Variants in COLEC12 observed in about 807,000 individuals in gnomAD.
COLEC12 encodes the protein collectin-12.
A neutral mutation model predicts 71.1 loss-of-function variants in COLEC12; 33 were observed. The ratio of observed to expected loss-of-function variants is 0.46; its 90% CI spans 0.35 to 0.62. The LOEUF (loss-of-function observed/expected upper bound fraction) is 0.62, where lower values mean the gene tolerates loss of function less well. Ranked by LOEUF, COLEC12 falls within the 20% of genes least tolerant of loss-of-function variation. COLEC12 has a pLI of 0.00. For missense variants in COLEC12, 765 were observed against 916.1 expected (o/e 0.84, Z 2.13); for synonymous variants, 350 against 353.0 (o/e 0.99, Z 0.10).
At chr18:342,072 C>A (rs1268685401) in intron 5 of COLEC12, among the ~76,000 whole-genome samples, 1 of 151,238 alleles carries the variant, frequency 6.6e-6, no homozygotes, top group Non-Finnish European at 1.5e-5. Flanking sequence ...TCTTTTTTTT[C>A]TTGAGACGGA....
intron 2 of COLEC12, among the ~76,000 whole-genome samples, chr18:410,295 C>T (rs1915867526): frequency 6.6e-6 from 1 of 152,140 alleles, no homozygotes; most frequent in African/African-American, 2.4e-5. Flanking sequence ...GAAGTGGACA[C>T]ACTTTTCCCC....
At chr18:331,643 A>G (rs748565873) in intron 8 of COLEC12, 25 bp downstream of exon 8, 4 of 1,438,206 alleles carry the variant, frequency 2.8e-6, no homozygotes, top group Non-Finnish European at 3.9e-6. Flanking sequence ...CCTGACCACC[A>G]ATCTGGAAGC....
intron 2 of COLEC12, among the ~76,000 whole-genome samples, chr18:376,800 T>C (rs2143549673): frequency 6.6e-6 from 1 of 152,276 alleles, no homozygotes; most frequent in South Asian, 2.1e-4. Context: ...GTAAGGCAAA[T>C]AGAGACCCTA....
intron 2 of COLEC12, 107 bp from the exon 3 acceptor site, chr18:357,629 T>C: frequency 1.2e-6 from 1 of 857,306 alleles, no homozygotes. Flanking sequence ...TTTTTACAAA[T>C]GCCTTACTAT....
At chr18:482,735 C>A (rs73358562) in intron 1 of COLEC12, among the ~76,000 whole-genome samples, 7,904 of 152,170 alleles carry the variant, frequency 0.052, 523 homozygotes, top group East Asian at 0.25. Flanking sequence ...CCTCAGCCTC[C>A]CAAGTAACTG....
intron 6 of COLEC12, chr18:333,823 C>G (rs1179049546): frequency 6.6e-6 from 1 of 152,130 alleles, no homozygotes; most frequent in Non-Finnish European, 1.5e-5. Context: ...GGGCGGCCAG[C>G]AGGCTTCCCT....
chr18:371,814 ACT>A (rs977624388), intron 2 of COLEC12, among the ~76,000 whole-genome samples: 2 of 152,100 alleles, frequency 1.3e-5, no homozygotes. Flanking sequence ...GAGGACACAA[ACT>A]CTTTCTGTTC....
In COLEC12 at chr18:473,520, C is replaced by T. The variant is rs977622938; in HGVS notation, c.58+7187G>A. Among the ~76,000 whole-genome samples, 10 of 152,062 alleles carry T rather than the reference C, an allele frequency of 6.6e-5. No individual in the cohort carries two copies. In the South Asian group the frequency reaches 1.3e-3, roughly 19 times the overall value. The stretch of plus-strand genomic sequence containing the variant: ...CTGGGATTACAGGCGCGTGCCACAG[C>T]GCTCAGCTAATTTTGTATTTTTAGT... On this transcript the variant is annotated intron_variant, in intron 2 of 9. Coordinates refer to ENST00000400256, the MANE Select transcript of COLEC12 (RefSeq NM_130386.3).
chr18:353,989 A>T (rs1914576238), intron 3 of COLEC12, among the ~76,000 whole-genome samples: 1 of 152,242 alleles, frequency 6.6e-6, no homozygotes, highest in Non-Finnish European at 1.5e-5. Flanking sequence ...ACTACCAGTG[A>T]CTAGGAATGT....
chr18:467,518 T>C (rs1392509502), intron 2 of COLEC12, among the ~76,000 whole-genome samples: 9 of 152,222 alleles, frequency 5.9e-5, no homozygotes, highest in Non-Finnish European at 4.4e-5. Flanking sequence ...TTCATTAGCA[T>C]GAGAAATACC....
rs1487697803 is a variant in COLEC12, at chr18:319,327, A to ATATAT, written c.*717_*718insATATA. 22 of 3,946 alleles carry ATATAT rather than the reference A, an allele frequency of 5.6e-3. No homozygotes were observed. The highest frequency in any genetic ancestry group is 8.4e-3 in the African/African-American group (22 of 2,612). 0.2% of individuals were successfully genotyped at this position (3,946 alleles called of 1,614,324 possible). A position where few individuals can be genotyped will look rare whatever the true frequency, so the allele number is the denominator to read the frequency against. The stretch of plus-strand genomic sequence containing the variant: ...CTCTGAGGAAATGAAACATTAAAAA[A>ATATAT]AAAAAAAAAAAAAAATATATATATA... On this transcript the variant is annotated 3_prime_UTR_variant, in exon 10 of 10. Transcript: ENST00000400256.
chr18:492,791 C>T (rs1227979376), intron 1 of COLEC12, among the ~76,000 whole-genome samples: 1 of 151,934 alleles, frequency 6.6e-6, no homozygotes, highest in Non-Finnish European at 1.5e-5. Context: ...ACAATTATGC[C>T]AAAGCAATAT....
chr18:333,084 C>A lies in COLEC12; in HGVS notation c.1876G>T (p.Glu626Ter). The change falls in exon 7 of 10, where the codon GAA becomes TAA. Residue 626 changes from glutamate (E) to a stop codon, truncating the protein, a stop_gained. Transcript: ENST00000400256. LOFTEE classifies it high-confidence loss of function. ...AAAAGCTTTGCATCCTCAAAAATTT[C>A]TTTCTCAACTGAAAAATAGTAGCAT... Reference protein sequence around the residue: ...DKCYYFSVEKEIFEDAKLFCE... With the variant: ...DKCYYFSVEK 1 of 1,612,286 alleles carries A rather than the reference C, an allele frequency of 6.2e-7. No homozygotes were observed. Among genetic ancestry groups the A allele is most frequent in the Non-Finnish European group, 8.5e-7 (1 of 1,179,258 alleles).
Position 367,906 on chromosome 18 carries a change from C to A in COLEC12, c.59-10384G>T, listed in dbSNP as rs189495116. On this transcript the variant is annotated intron_variant, in intron 2 of 9. Coordinates refer to ENST00000400256, the MANE Select transcript of COLEC12 (RefSeq NM_130386.3). ...GAGTTCAAGACTGGCCAGGGCAACACAGTGAGATGCTGTCTCTACCAAAAC... is the reference window on the plus strand; with the variant it reads ...GAGTTCAAGACTGGCCAGGGCAACAAAGTGAGATGCTGTCTCTACCAAAAC... 2.6e-5 allele frequency among the ~76,000 whole-genome samples: 4 copies of A among 152,260 alleles called. No homozygotes were observed. In the East Asian group the frequency reaches 7.7e-4, roughly 29 times the overall value.
chr18:419,939 G>A (rs1916063571), intron 2 of COLEC12, among the ~76,000 whole-genome samples: 1 of 152,168 alleles, frequency 6.6e-6, no homozygotes, highest in Non-Finnish European at 1.5e-5. Context: ...TGGAAGATTT[G>A]TTCTTGGAGC....
chr18:361,252 T>C (rs1479637115), intron 2 of COLEC12, among the ~76,000 whole-genome samples: 1 of 152,198 alleles, frequency 6.6e-6, no homozygotes, highest in African/African-American at 2.4e-5. Context: ...AGAGCTGAAC[T>C]GACACTCTAT....
chr18:485,786 T>C (rs747026406), intron 1 of COLEC12, among the ~76,000 whole-genome samples: 1 of 152,232 alleles, frequency 6.6e-6, no homozygotes, highest in Admixed American at 6.5e-5. Context: ...GTGGACCAAG[T>C]TGGGCACTAG....
At chr18:359,153 G>T (rs1160277682) in intron 2 of COLEC12, among the ~76,000 whole-genome samples, 1 of 152,182 alleles carries the variant, frequency 6.6e-6, no homozygotes, top group Non-Finnish European at 1.5e-5. Context: ...GCTGAAGTTG[G>T]TTCCTACTGG....
intron 2 of COLEC12, among the ~76,000 whole-genome samples, chr18:398,917 G>C (rs7234278): frequency 0.34 from 51,029 of 152,048 alleles, 9,291 homozygotes; most frequent in African/African-American, 0.48. Flanking sequence ...TTGATTCTAA[G>C]TGTCCATGGA....
Sources: allele counts gnomAD v4.1 joint callset (sites outside exome capture counted in the v4.1 genomes callset), GRCh38; gene constraint gnomAD v4.1.1; transcripts MANE v1.5; gene names NCBI Gene and HGNC (gene_info 2026-07-23, HGNC 2026-07-21).